Variants in NFIB observed in about 807,000 individuals in gnomAD.
NFIB encodes nuclear factor 1 B-type.
In NFIB, 11 loss-of-function variants were observed where a neutral mutation model predicts 61.5. The observed-to-expected ratio is 0.18, with a 90% confidence interval of 0.11 to 0.30. NFIB has a LOEUF of 0.30. NFIB is among the 10% of genes least tolerant of loss of function. The pLI is 1.00. For missense variants in NFIB, 471 were observed against 608.9 expected (o/e 0.77, Z 2.38); for synonymous variants, 260 against 216.5 (o/e 1.20, Z -1.76).
At chr9:14,110,486 T>A (rs7867939) in intron 10 of NFIB, among the ~76,000 whole-genome samples, 1 of 152,120 alleles carries the variant, frequency 6.6e-6, no homozygotes, top group South Asian at 2.1e-4. Context: ...TAATATAACA[T>A]GATTGATTAC....
At chr9:14,508,235 G>T in the NFIB span, among the ~76,000 whole-genome samples, 1 of 152,038 alleles carries the variant, frequency 6.6e-6, no homozygotes, top group Non-Finnish European at 1.5e-5. Context: ...GTTTGTGTAT[G>T]TGTGTATGTG....
intron 2 of NFIB, among the ~76,000 whole-genome samples, chr9:14,269,387 T>C (rs181682911): frequency 1.5e-4 from 23 of 152,328 alleles, no homozygotes; most frequent in African/African-American, 5.3e-4. Context: ...GATCAAACTA[T>C]AATCGTGTCA....
At chr9:14,478,593 C>T in the NFIB span, among the ~76,000 whole-genome samples, 114 of 152,246 alleles carry the variant, frequency 7.5e-4, no homozygotes, top group African/African-American at 2.2e-3. Flanking sequence ...CATATTATTA[C>T]GCAATTTGCT....
At chr9:14,525,937 T>A in the NFIB span, among the ~76,000 whole-genome samples, 1 of 152,170 alleles carries the variant, frequency 6.6e-6, no homozygotes, top group Non-Finnish European at 1.5e-5. Context: ...CCCTTGGATA[T>A]GTGTCGTGGA....
At chr9:14,195,872 T>A (rs76940405) in intron 2 of NFIB, among the ~76,000 whole-genome samples, 3,766 of 152,140 alleles carry the variant, frequency 0.025, 203 homozygotes, top group East Asian at 0.18. Context: ...GGGGGTGGGG[T>A]ATTTAAGAAA....
rs78238095 is a variant in NFIB at position 14,238,703 on chromosome 9, T to C, written c.563-58923A>G. Among the ~76,000 whole-genome samples, 1,384 of 152,278 alleles carry C rather than the reference T, an allele frequency of 9.1e-3. 30 individuals carry two copies. The highest frequency in any genetic ancestry group is 0.031 in the African/African-American group (1,286 of 41,570). On this transcript the variant is annotated intron_variant, in intron 2 of 10. Transcript: ENST00000380953. Reference sequence around the variant, plus strand: ...GAAATGGCTGCATCCTAGTATTTCATTGTGGACTCATGACTCAGTGCTTTG... The same window carrying C: ...GAAATGGCTGCATCCTAGTATTTCACTGTGGACTCATGACTCAGTGCTTTG...
At chr9:14,226,410 G>A (rs2052424532) in intron 2 of NFIB, among the ~76,000 whole-genome samples, 2 of 151,836 alleles carry the variant, frequency 1.3e-5, no homozygotes, top group African/African-American at 4.8e-5. Flanking sequence ...TGGCCGGGCA[G>A]GGTGGCATGC....
At chr9:14,321,338 TG>T (rs1291270929) in intron 1 of NFIB, among the ~76,000 whole-genome samples, 1 of 150,284 alleles carries the variant, frequency 6.7e-6, no homozygotes, top group Non-Finnish European at 1.5e-5. Flanking sequence ...AAAAAGTTGG[TG>T]GGGGGTGCGG....
At chr9:14,244,199 G>A (rs1279481559) in intron 2 of NFIB, among the ~76,000 whole-genome samples, 2 of 152,130 alleles carry the variant, frequency 1.3e-5, no homozygotes, top group East Asian at 3.8e-4. Flanking sequence ...AGTGCTTAAA[G>A]ATATTCAGGA....
the NFIB span, among the ~76,000 whole-genome samples, chr9:14,477,392 A>C: frequency 6.6e-6 from 1 of 152,244 alleles, no homozygotes; most frequent in Non-Finnish European, 1.5e-5. Context: ...TGTATATCTA[A>C]ATAACAAAAT....
At chr9:14,212,023 T>C (rs529919752) in intron 2 of NFIB, among the ~76,000 whole-genome samples, 2 of 152,356 alleles carry the variant, frequency 1.3e-5, no homozygotes, top group African/African-American at 4.8e-5. Flanking sequence ...ATGGCCTTAG[T>C]GTTAATGCAA....
rs1296747951 is a variant in NFIB, at chr9:14,308,633, T to A, written c.31-1113A>T. Among the ~76,000 whole-genome samples the A allele has an allele frequency of 2.6e-5, 4 of 151,928 alleles. No individual in the cohort carries two copies. In the East Asian group the frequency reaches 7.7e-4, roughly 29 times the overall value. The stretch of plus-strand genomic sequence containing the variant: ...CACTGCTGGTCAGTTACTGCTTTTG[T>A]GGAATCTATACAATTCATTTGCCAT... On this transcript the variant is annotated intron_variant, in intron 1 of 10. Transcript: ENST00000380953.
At chr9:14,425,536 A>T in the NFIB span, among the ~76,000 whole-genome samples, 1 of 152,030 alleles carries the variant, frequency 6.6e-6, no homozygotes, top group Non-Finnish European at 1.5e-5. Context: ...ATAAGGAAAC[A>T]TATATAAGAA....
At chr9:14,453,390 T>A in the NFIB span, among the ~76,000 whole-genome samples, 1 of 152,246 alleles carries the variant, frequency 6.6e-6, no homozygotes, top group African/African-American at 2.4e-5. Flanking sequence ...GTTCCCTTAA[T>A]ACTTTTCAAA....
intron 2 of NFIB, among the ~76,000 whole-genome samples, chr9:14,253,484 G>T (rs2055881361): frequency 6.6e-6 from 1 of 152,062 alleles, no homozygotes; most frequent in Non-Finnish European, 1.5e-5. Context: ...CTCCCAGAAG[G>T]AAAAAAGCAA....
At chr9:14,454,133 C>G in the NFIB span, among the ~76,000 whole-genome samples, 1 of 152,188 alleles carries the variant, frequency 6.6e-6, no homozygotes, top group African/African-American at 2.4e-5. Context: ...AATATGAAGA[C>G]TCACATGTTG....
At chr9:14,126,041 G>A (rs1342852018) in intron 6 of NFIB, among the ~76,000 whole-genome samples, 1 of 152,112 alleles carries the variant, frequency 6.6e-6, no homozygotes. Flanking sequence ...CCAAAGTCTT[G>A]TTTCCTTTAG....
At chr9:14,197,221 C>T (rs923828940) in intron 2 of NFIB, among the ~76,000 whole-genome samples, 1 of 152,150 alleles carries the variant, frequency 6.6e-6, no homozygotes, top group African/African-American at 2.4e-5. Flanking sequence ...TTTTTCATTG[C>T]ATTTCCCCTT....
At chr9:14,340,380 T>C (rs2132872300) in intron 1 of NFIB, among the ~76,000 whole-genome samples, 1 of 152,268 alleles carries the variant, frequency 6.6e-6, no homozygotes, top group Non-Finnish European at 1.5e-5. Context: ...AACATTAGAA[T>C]CGCCCAGGGG....
Sources: allele counts gnomAD v4.1 joint callset (sites outside exome capture counted in the v4.1 genomes callset), GRCh38; gene constraint gnomAD v4.1.1; transcripts MANE v1.5; gene names NCBI Gene and HGNC (gene_info 2026-07-23, HGNC 2026-07-21).